The following SIL1 variants were observed in gnomAD, a reference collection of about 807,000 sequenced individuals.
SIL1 encodes SIL1 nucleotide exchange factor.
In SIL1, 40 loss-of-function variants were observed where a neutral mutation model predicts 49.1. The ratio of observed to expected loss-of-function variants is 0.81; its 90% CI spans 0.63 to 1.06. The LOEUF is 1.06. Ranked by LOEUF, SIL1 falls within the 50% of genes least tolerant of loss-of-function variation. The pLI is 0.00. For missense variants in SIL1, 500 were observed against 572.6 expected, an observed-to-expected ratio of 0.87 and a Z score of 1.29; for synonymous variants, 253 against 250.8, an observed-to-expected ratio of 1.01 and a Z score of -0.08.
At chr5:139,150,966 C>A (rs144872543) in intron 1 of SIL1, among the ~76,000 whole-genome samples, 159 of 152,288 alleles carry the variant, frequency 1.0e-3, no homozygotes, top group African/African-American at 3.6e-3. Context: ...CCTCTGCCAC[C>A]CTCCCTTGGC....
intron 7 of SIL1, among the ~76,000 whole-genome samples, chr5:138,959,367 C>T (rs1766969976): frequency 6.6e-6 from 1 of 152,174 alleles, no homozygotes; most frequent in Non-Finnish European, 1.5e-5. Flanking sequence ...AATTGGCAGC[C>T]CAGTACTTGA....
At chr5:139,137,307 A>G in intron 1 of SIL1, 1 of 702,468 alleles carries the variant, frequency 1.4e-6, no homozygotes, top group Non-Finnish European at 2.6e-6. Context: ...GAGGGGACCA[A>G]AATTCAGAGA....
intron 5 of SIL1, among the ~76,000 whole-genome samples, chr5:139,029,420 G>C (rs1768736908): frequency 6.6e-6 from 1 of 152,192 alleles, no homozygotes. Flanking sequence ...AACATTGAAA[G>C]TACGAAGGGT....
chr5:138,974,915 C>T (rs1469643614), intron 7 of SIL1, among the ~76,000 whole-genome samples: 2 of 152,190 alleles, frequency 1.3e-5, no homozygotes, highest in African/African-American at 4.8e-5. Context: ...TCTTCTTCAT[C>T]TCTGAGCTGA....
At chr5:139,068,655 G>GAAAAAAAA (rs745799045) in intron 3 of SIL1, among the ~76,000 whole-genome samples, 10 of 64,788 alleles carry the variant, frequency 1.5e-4, no homozygotes, top group East Asian at 5.2e-4. Flanking sequence ...GAATGAAAAG[G>GAAAAAAAA]AAAAAAAAAA....
chr5:139,110,068 C>T (rs1770809320), intron 3 of SIL1, among the ~76,000 whole-genome samples: 1 of 151,620 alleles, frequency 6.6e-6, no homozygotes, highest in South Asian at 2.1e-4. Context: ...ACTCAGGAGG[C>T]TGAGGCAGGA....
At chr5:139,019,221 G>T (rs1018038127) in intron 7 of SIL1, among the ~76,000 whole-genome samples, 3 of 152,184 alleles carry the variant, frequency 2.0e-5, no homozygotes, top group African/African-American at 7.2e-5. Context: ...TACTAGAAGC[G>T]GTTACAGAGG....
At chr5:139,150,171 C>A (rs1315394183) in intron 1 of SIL1, among the ~76,000 whole-genome samples, 2 of 152,148 alleles carry the variant, frequency 1.3e-5, no homozygotes, top group Non-Finnish European at 2.9e-5. Flanking sequence ...TGGCCTAAAC[C>A]CCAGCGGATA....
intron 1 of SIL1, among the ~76,000 whole-genome samples, chr5:139,173,882 C>T (rs1482633848): frequency 6.6e-6 from 1 of 150,412 alleles, no homozygotes; most frequent in Non-Finnish European, 1.5e-5. Context: ...TGACGTGAAC[C>T]CAGGAGGCGG....
chr5:139,193,490 C>T (rs1373337231), intron 1 of SIL1, among the ~76,000 whole-genome samples: 1 of 152,088 alleles, frequency 6.6e-6, no homozygotes, highest in East Asian at 1.9e-4. Flanking sequence ...ATCACTTGAA[C>T]CCAGGAGGCA....
intron 7 of SIL1, among the ~76,000 whole-genome samples, chr5:138,975,621 A>T (rs56162049): frequency 0.04 from 6,105 of 152,276 alleles, 175 homozygotes; most frequent in South Asian, 0.11. Context: ...TTAACTATAG[A>T]TGATCTATGT....
intron 5 of SIL1, among the ~76,000 whole-genome samples, chr5:139,027,792 C>A (rs1385878105): frequency 6.6e-6 from 1 of 152,082 alleles, no homozygotes; most frequent in Admixed American, 6.6e-5. Context: ...TATCTGTCTT[C>A]CAAGAAAAAC....
intron 7 of SIL1, among the ~76,000 whole-genome samples, chr5:138,968,551 C>T (rs1029324589): frequency 3.9e-5 from 6 of 152,170 alleles, no homozygotes; most frequent in Non-Finnish European, 8.8e-5. Context: ...CTCAGAGAAA[C>T]ACTCGCTGAC....
chr5:139,183,762 A>T (rs1752032761), intron 1 of SIL1, among the ~76,000 whole-genome samples: 1 of 152,194 alleles, frequency 6.6e-6, no homozygotes, highest in African/African-American at 2.4e-5. Flanking sequence ...AAGGGTCTCC[A>T]AGGAATGCCC....
At chr5:138,965,375 T>G (rs57364550) in intron 7 of SIL1, among the ~76,000 whole-genome samples, 2,118 of 152,298 alleles carry the variant, frequency 0.014, 50 homozygotes, top group African/African-American at 0.047. Flanking sequence ...CTTTGAGTCT[T>G]AAAGACAATT....
At chr5:139,030,686 A>G (rs1265623917) in intron 5 of SIL1, among the ~76,000 whole-genome samples, 1 of 151,654 alleles carries the variant, frequency 6.6e-6, no homozygotes, top group Admixed American at 6.6e-5. Flanking sequence ...TATTTTTTGT[A>G]GAAAACATAG....
chr5:139,082,093 AT>A (rs1770093913), intron 3 of SIL1, among the ~76,000 whole-genome samples: 1 of 152,180 alleles, frequency 6.6e-6, no homozygotes, highest in African/African-American at 2.4e-5. Flanking sequence ...ATCTTGTTTA[AT>A]TTTCACAACA....
chr5:139,086,538 A>C (rs185337853), intron 3 of SIL1, among the ~76,000 whole-genome samples: 2,182 of 151,672 alleles, frequency 0.014, 56 homozygotes, highest in African/African-American at 0.05. Context: ...TTTTGTTTTT[A>C]GTAGAGATGG....
Position 138,948,356 on chromosome 5 carries a change from C to T in SIL1, c.1030-883G>A, listed in dbSNP as rs1308143059. 1.3e-5 allele frequency among the ~76,000 whole-genome samples: 2 copies of T among 152,154 alleles called. No individual in the cohort carries two copies. Among genetic ancestry groups the T allele is most frequent in the South Asian group, 2.1e-4 (1 of 4,828 alleles). Reference sequence around the variant, plus strand: ...CTTCACCCCTCAGTCCTGCCAGCTTCGCTTCCAAAACACACCCCAATTCTG... The same window carrying T: ...CTTCACCCCTCAGTCCTGCCAGCTTTGCTTCCAAAACACACCCCAATTCTG... On this transcript the variant is annotated intron_variant, in intron 9 of 9. Coordinates refer to ENST00000394817, the MANE Select transcript of SIL1 (RefSeq NM_022464.5). The surrounding 1 kb of genome is among the most constrained non-coding windows in gnomAD (Gnocchi z 4.8).
Sources: gnomAD v4.1 joint callset for allele counts (sites outside exome capture counted in the v4.1 genomes callset) on GRCh38, gnomAD v4.1.1 for gene constraint, Gnocchi (gnomAD v3.1) non-coding constraint, MANE v1.5 for transcripts, NCBI Gene and HGNC (gene_info 2026-07-23, HGNC 2026-07-21) for gene names.